FREM3: variants seen among roughly 807,000 people sequenced by gnomAD.
The protein encoded by FREM3 is FRAS1-related extracellular matrix protein 3.
Under a neutral mutation model 129.1 loss-of-function variants are expected in FREM3, and 105 were observed. That is an observed-to-expected ratio of 0.81 (90% CI 0.69 to 0.96). The LOEUF (loss-of-function observed/expected upper bound fraction) is 0.96. Among genes scored for constraint, FREM3 ranks in the 40% least tolerant of loss-of-function variants. The pLI, the probability that FREM3 is intolerant of heterozygous loss-of-function variation, is 0.00. For synonymous variants in FREM3, 1,014 were observed against 1,044.9 expected (o/e 0.97, Z 0.57); for missense variants, 2,593 against 2,666.3 (o/e 0.97, Z 0.61).
Position 143,585,503 on chromosome 4 carries a change from G to A in FREM3, c.6178+341C>T, listed in dbSNP as rs573301910. Among the ~76,000 whole-genome samples, 3 of 152,320 alleles carry A rather than the reference G, an allele frequency of 2.0e-5. No individual in the cohort carries two copies. Among genetic ancestry groups the A allele is most frequent in the Non-Finnish European group, 2.9e-5 (2 of 68,024 alleles). ...CTAATATGTGACGAGATTCTTCCAC[G>A]AGTTGGGACTTGCTTGGCCATTATG... is the stretch of plus-strand genomic sequence containing the variant. On this transcript the variant is annotated intron_variant, in intron 7 of 7. Coordinates refer to ENST00000329798, the MANE Select transcript of FREM3 (RefSeq NM_001168235.2). The surrounding 1 kb of genome is among the most constrained non-coding windows in gnomAD (Gnocchi z 4.2).
In FREM3 at chr4:143,649,185, G is replaced by A. The variant is rs542615811; in HGVS notation, c.5276-21425C>T. ...TCATTTACCAAAAATGTTTATATCT[G>A]TTAAATTTCATTGTAAAGTTTTAAA... is the stretch of plus-strand genomic sequence containing the variant. On this transcript the variant is annotated intron_variant, in intron 2 of 7. Coordinates refer to ENST00000329798, the MANE Select transcript of FREM3 (RefSeq NM_001168235.2). 2.0e-5 allele frequency: 3 copies of A among 152,310 alleles called. No individual in the cohort carries two copies. The East Asian group carries it at 5.8e-4, about 29-fold the overall frequency. The allele number at this position is 152,310 out of a possible 1,614,324, so 9.4% of individuals were successfully genotyped here.
intron 2 of FREM3, among the ~76,000 whole-genome samples, chr4:143,662,906 C>A (rs1560862446): frequency 6.6e-6 from 1 of 151,822 alleles, no homozygotes; most frequent in Admixed American, 6.6e-5. Context: ...GGATTGCAAC[C>A]CCTGCCTTTT....
At chr4:143,595,126 A>G (rs1285937103) in intron 6 of FREM3, among the ~76,000 whole-genome samples, 2 of 152,240 alleles carry the variant, frequency 1.3e-5, no homozygotes, top group African/African-American at 4.8e-5. Context: ...GCTTAATGCC[A>G]GGTTTTGCAG....
At chr4:143,595,696 G>A (rs975164880) in intron 6 of FREM3, among the ~76,000 whole-genome samples, 11 of 151,986 alleles carry the variant, frequency 7.2e-5, no homozygotes, top group African/African-American at 2.2e-4. Context: ...GACCATCCTG[G>A]CTAACACGGT....
intron 2 of FREM3, among the ~76,000 whole-genome samples, chr4:143,657,945 C>A (rs1044869631): frequency 6.6e-6 from 1 of 152,150 alleles, no homozygotes; most frequent in Non-Finnish European, 1.5e-5. Context: ...AGTTCAATAA[C>A]TGTCACTTCC....
At chr4:143,669,455 A>AT (rs1160541264) in intron 2 of FREM3, among the ~76,000 whole-genome samples, 2,315 of 146,698 alleles carry the variant, frequency 0.016, 39 homozygotes, top group African/African-American at 0.048. Flanking sequence ...GTTTAAAACA[A>AT]TTTTTTTTTT....
intron 2 of FREM3, among the ~76,000 whole-genome samples, chr4:143,664,054 T>A (rs1162703138): frequency 2.0e-5 from 3 of 152,146 alleles, no homozygotes; most frequent in East Asian, 3.9e-4. Flanking sequence ...TTCGGAGTAG[T>A]TTGATCGTCT....
intron 6 of FREM3, among the ~76,000 whole-genome samples, chr4:143,586,969 G>C (rs539990855): frequency 6.0e-4 from 91 of 152,280 alleles, no homozygotes; most frequent in Non-Finnish European, 8.8e-4. Context: ...CAAATATATT[G>C]CAATGCACCA....
intron 2 of FREM3, among the ~76,000 whole-genome samples, chr4:143,684,968 A>G (rs1740332900): frequency 6.6e-6 from 1 of 152,190 alleles, no homozygotes; most frequent in Admixed American, 6.5e-5. Context: ...AAAGAATAAG[A>G]AAATATGAAC....
intron 6 of FREM3, among the ~76,000 whole-genome samples, chr4:143,591,667 G>T (rs1738365376): frequency 6.6e-6 from 1 of 152,106 alleles, no homozygotes; most frequent in Non-Finnish European, 1.5e-5. Context: ...CAACTATGTG[G>T]TCAGTTTTGG....
At chr4:143,667,285 T>C (rs896755259) in intron 2 of FREM3, among the ~76,000 whole-genome samples, 5 of 152,224 alleles carry the variant, frequency 3.3e-5, no homozygotes, top group African/African-American at 1.2e-4. Flanking sequence ...AGATTTATTC[T>C]ACTGAAAATA....
At chr4:143,685,255 C>T (rs1193390547) in intron 2 of FREM3, among the ~76,000 whole-genome samples, 2 of 152,112 alleles carry the variant, frequency 1.3e-5, no homozygotes, top group Admixed American at 1.3e-4. Flanking sequence ...ACAGAAGCAC[C>T]AGGTAACCTA....
chr4:143,616,068 T>C (rs1738838900), intron 5 of FREM3, among the ~76,000 whole-genome samples: 1 of 152,170 alleles, frequency 6.6e-6, no homozygotes, highest in Non-Finnish European at 1.5e-5. Context: ...CAGATTCAGA[T>C]CAAATACATG....
In FREM3 at chr4:143,696,896, G is replaced by C. The variant is rs1227388378; in HGVS notation, c.3780C>G (p.Ile1260Met). 6.5e-7 allele frequency: 1 copy of C among 1,537,692 alleles called. No individual in the cohort carries two copies. Residue 1260 changes from isoleucine to methionine, a missense_variant, in exon 1 of 8, where the codon ATC becomes ATG. Ile to Met is a conservative substitution (Grantham distance 10). Around this residue, in one of 2 missense-constraint regions of FREM3, gnomAD observed 2,276 missense variants for 2,267.2 expected, o/e 1.00. Coordinates refer to ENST00000329798, the MANE Select transcript of FREM3 (RefSeq NM_001168235.2). ...CATACACAATGGTGGAGGCCTCCTG[G>C]ATCTCCTTGAGGGTGAAGCTGTGGA... Reference protein sequence around the residue: ...QPIHSFTLKEIQEASTIVYEH... With the variant: ...QPIHSFTLKEMQEASTIVYEH...
At chr4:143,595,889 G>GAAAAAAAAAAAAAAAAA (rs70953742) in intron 6 of FREM3, among the ~76,000 whole-genome samples, 19 of 110,622 alleles carry the variant, frequency 1.7e-4, no homozygotes, top group African/African-American at 6.5e-4. Flanking sequence ...CGCCATCTCA[G>GAAAAAAAAAAAAAAAAA]AAAAAAAAAA....
intron 2 of FREM3, among the ~76,000 whole-genome samples, chr4:143,629,488 AT>A (rs1739100818): frequency 6.6e-6 from 1 of 152,150 alleles, no homozygotes; most frequent in Non-Finnish European, 1.5e-5. Flanking sequence ...AAAAAATAAC[AT>A]TATTGATACT....
At chr4:143,614,139 T>A (rs763100702) in intron 5 of FREM3, among the ~76,000 whole-genome samples, 14 of 152,196 alleles carry the variant, frequency 9.2e-5, no homozygotes, top group African/African-American at 1.2e-4. Flanking sequence ...AGACAATATG[T>A]TTTAGCAAGA....
intron 2 of FREM3, among the ~76,000 whole-genome samples, chr4:143,681,414 A>G (rs1296691099): frequency 1.3e-5 from 2 of 152,310 alleles, no homozygotes; most frequent in East Asian, 3.9e-4. Flanking sequence ...TTCCATGAGT[A>G]TAATGACCTA....
intron 2 of FREM3, among the ~76,000 whole-genome samples, chr4:143,679,014 A>C (rs1740200581): frequency 6.6e-6 from 1 of 152,172 alleles, no homozygotes; most frequent in Admixed American, 6.6e-5. Context: ...GATACATAAC[A>C]AGTTCACTTT....
Sources: gnomAD v4.1 joint callset for allele counts (sites outside exome capture counted in the v4.1 genomes callset) on GRCh38, gnomAD v4.1.1 for gene constraint, gnomAD v4.1.1 regional missense constraint, Gnocchi (gnomAD v3.1) non-coding constraint, MANE v1.5 for transcripts, NCBI Gene and HGNC (gene_info 2026-07-23, HGNC 2026-07-21) for gene names.